DIAPH2: variants seen among roughly 807,000 people sequenced by gnomAD.
The protein encoded by DIAPH2 is diaphanous related formin 2.
A neutral mutation model predicts 92.7 loss-of-function variants in DIAPH2; 35 were observed. That is an observed-to-expected ratio of 0.38 (90% CI 0.29 to 0.50). DIAPH2 has a LOEUF of 0.50. Among genes scored for constraint, DIAPH2 ranks in the 20% least tolerant of loss-of-function variants. The pLI, the probability that DIAPH2 is intolerant of heterozygous loss-of-function variation, is 0.94. For synonymous variants in DIAPH2, 301 were observed against 280.4 expected (o/e 1.07, Z -0.73); for missense variants, 701 against 819.5 (o/e 0.86, Z 1.77).
intron 17 of DIAPH2, among the ~76,000 whole-genome samples, chrX:97,008,866 G>A (rs1428410679): frequency 9.0e-6 from 1 of 111,415 alleles, no homozygotes; most frequent in Admixed American, 9.6e-5. Context: ...ACTGCGCTGG[G>A]TCAGACCTGA....
intron 4 of DIAPH2, among the ~76,000 whole-genome samples, chrX:96,797,798 A>G (rs1245600789): frequency 8.9e-6 from 1 of 112,033 alleles, no homozygotes; most frequent in African/African-American, 3.2e-5. Flanking sequence ...ATCATTTTAA[A>G]CTCTGTTCCC....
intron 17 of DIAPH2, among the ~76,000 whole-genome samples, chrX:97,060,192 G>C (rs2066587515): frequency 8.9e-6 from 1 of 112,556 alleles, no homozygotes; most frequent in South Asian, 3.6e-4. Context: ...AAGCAACAAT[G>C]ATCCCCCACA....
At chrX:96,919,598 G>A (rs1309611368) in intron 9 of DIAPH2, among the ~76,000 whole-genome samples, 1 of 111,710 alleles carries the variant, frequency 9.0e-6, no homozygotes, top group Non-Finnish European at 1.9e-5. Flanking sequence ...CTTGCTTGAT[G>A]TGAAACAAAC....
chrX:97,234,331 CAAAAA>C (rs1182930277), intron 22 of DIAPH2, among the ~76,000 whole-genome samples: 1 of 31,205 alleles, frequency 3.2e-5, no homozygotes, highest in Non-Finnish European at 7.2e-5. Flanking sequence ...AACTCCATCT[CAAAAA>C]AAAAAAAAAA....
intron 17 of DIAPH2, among the ~76,000 whole-genome samples, chrX:96,991,472 T>A (rs187427989): frequency 6.5e-5 from 7 of 108,130 alleles, no homozygotes; most frequent in African/African-American, 2.4e-4. Context: ...TTACATAACT[T>A]GCCCAAGATA....
chrX:97,131,777 G>A (rs970998717), intron 21 of DIAPH2, among the ~76,000 whole-genome samples: 1 of 112,289 alleles, frequency 8.9e-6, no homozygotes, highest in African/African-American at 3.2e-5. Context: ...TATTTGGTAA[G>A]CCAACTATAG....
At chrX:97,323,186 A>G (rs1321380730) in intron 23 of DIAPH2, among the ~76,000 whole-genome samples, 4 of 106,290 alleles carry the variant, frequency 3.8e-5, no homozygotes, top group Non-Finnish European at 5.8e-5. Context: ...GATTATAGGC[A>G]TGAGCCACCG....
chrX:97,528,720 G>A (rs1269148161), intron 26 of DIAPH2: 1 of 111,553 alleles, frequency 9.0e-6, no homozygotes, highest in Non-Finnish European at 1.9e-5. Context: ...ATGAGGTTTG[G>A]GGGATAAACA....
chrX:96,808,639 T>C (rs959513841), intron 4 of DIAPH2, among the ~76,000 whole-genome samples: 7 of 112,026 alleles, frequency 6.2e-5, no homozygotes, highest in Admixed American at 1.9e-4. Context: ...CAGTAAGCAA[T>C]AGTGTAGTTG....
chrX:96,829,687 G>T (rs2064838695), intron 4 of DIAPH2, among the ~76,000 whole-genome samples: 1 of 110,306 alleles, frequency 9.1e-6, no homozygotes, highest in Non-Finnish European at 1.9e-5. Flanking sequence ...TAAAGACATG[G>T]TTTCACCATG....
chrX:97,056,730 G>C (rs1398646508), intron 17 of DIAPH2, among the ~76,000 whole-genome samples: 1 of 111,769 alleles, frequency 8.9e-6, no homozygotes, highest in Non-Finnish European at 1.9e-5. Context: ...GTTTGTAGAG[G>C]GGGCCATTAA....
At chrX:96,894,526 A>C (rs2065329964) in intron 5 of DIAPH2, among the ~76,000 whole-genome samples, 1 of 111,986 alleles carries the variant, frequency 8.9e-6, no homozygotes. Context: ...GAGAATGCTT[A>C]AGAATTTTAT....
At chrX:96,742,722 A>C (rs2064127413) in intron 3 of DIAPH2, among the ~76,000 whole-genome samples, 1 of 106,382 alleles carries the variant, frequency 9.4e-6, no homozygotes, top group African/African-American at 3.5e-5. Context: ...GCTGGAGTGC[A>C]GTGGCGTGAT....
chrX:97,495,519 G>T (rs1238059755), intron 26 of DIAPH2, among the ~76,000 whole-genome samples: 1 of 111,333 alleles, frequency 9.0e-6, no homozygotes, highest in Non-Finnish European at 1.9e-5. Context: ...TGGTACCAAG[G>T]TATCAGGATT....
chrX:97,238,583 T>TC (rs2068067532), intron 22 of DIAPH2, among the ~76,000 whole-genome samples: 1 of 110,305 alleles, frequency 9.1e-6, no homozygotes, highest in East Asian at 2.8e-4. Context: ...TTTTTTTTTT[T>TC]TCCCCCTAAG....
intron 4 of DIAPH2, among the ~76,000 whole-genome samples, chrX:96,867,500 G>A (rs748766380): frequency 9.0e-6 from 1 of 111,485 alleles, no homozygotes; most frequent in African/African-American, 3.3e-5. Flanking sequence ...GATTACAAGC[G>A]TGAGCCACCG....
intron 19 of DIAPH2, among the ~76,000 whole-genome samples, chrX:97,078,396 G>A (rs936425099): frequency 1.8e-5 from 2 of 111,441 alleles, no homozygotes; most frequent in South Asian, 3.8e-4. Flanking sequence ...ACTTGTATGC[G>A]AAGAATATTA....
At chrX:96,712,324 T>A (rs746167770) in intron 1 of DIAPH2, among the ~76,000 whole-genome samples, 76 of 111,149 alleles carry the variant, frequency 6.8e-4, no homozygotes, top group African/African-American at 2.4e-3. Flanking sequence ...CTCTACCAGC[T>A]TGGCTTTTAC....
chrX:97,494,964 T>TGAATTAA (rs1303519161), intron 26 of DIAPH2, among the ~76,000 whole-genome samples: 1 of 112,520 alleles, frequency 8.9e-6, no homozygotes, highest in East Asian at 2.8e-4. Context: ...TTAATTGCCC[T>TGAATTAA]GAAACATCCA....
Sources: gnomAD v4.1 joint callset for allele counts (sites outside exome capture counted in the v4.1 genomes callset) on GRCh38, gnomAD v4.1.1 for gene constraint, MANE v1.5 for transcripts, NCBI Gene and HGNC (gene_info 2026-07-23, HGNC 2026-07-21) for gene names.